RFX3: variants seen among roughly 807,000 people sequenced by gnomAD.
RFX3 encodes transcription factor RFX3.
A neutral mutation model predicts 98.6 loss-of-function variants in RFX3; 14 were observed. That is an observed-to-expected ratio of 0.14 (90% CI 0.09 to 0.22). The LOEUF is 0.22. RFX3 is among the 10% of genes least tolerant of loss of function. RFX3 has a pLI of 1.00. For missense variants in RFX3, 639 were observed against 926.9 expected, an observed-to-expected ratio of 0.69 and a Z score of 4.03; for synonymous variants, 383 against 328.4, an observed-to-expected ratio of 1.17 and a Z score of -1.80.
intron 2 of RFX3, among the ~76,000 whole-genome samples, chr9:3,366,079 G>C (rs911684468): frequency 2.0e-5 from 3 of 151,934 alleles, no homozygotes; most frequent in African/African-American, 7.2e-5. Flanking sequence ...CTGTGATGTA[G>C]GCTCGCAGCA....
intron 4 of RFX3, among the ~76,000 whole-genome samples, chr9:3,316,154 G>A (rs754955401): frequency 3.9e-5 from 6 of 152,160 alleles, no homozygotes; most frequent in Non-Finnish European, 8.8e-5. Context: ...GAATCCAGCA[G>A]TACATCTAAA....
intron 4 of RFX3, among the ~76,000 whole-genome samples, chr9:3,327,297 T>C (rs1374789447): frequency 1.3e-5 from 2 of 152,188 alleles, no homozygotes; most frequent in African/African-American, 4.8e-5. Context: ...AAATCTTAAA[T>C]AGGTTTCACG....
intron 12 of RFX3, 64 bp downstream of exon 12, chr9:3,266,144 G>A: frequency 3.2e-6 from 3 of 936,950 alleles, no homozygotes; most frequent in Non-Finnish European, 5.0e-6. Context: ...TAGGATAGAT[G>A]TAAAGTTCAC....
At chr9:3,464,657 G>T (rs376541553) in intron 1 of RFX3, among the ~76,000 whole-genome samples, 2 of 152,158 alleles carry the variant, frequency 1.3e-5, no homozygotes, top group African/African-American at 4.8e-5. Flanking sequence ...ACTTGTGGGG[G>T]TGATGGAAAT....
chr9:3,290,685 C>T (rs546048682), intron 6 of RFX3, among the ~76,000 whole-genome samples: 1 of 152,206 alleles, frequency 6.6e-6, no homozygotes, highest in South Asian at 2.1e-4. Flanking sequence ...TTTTGAAGTA[C>T]AGAAAGAAGG....
At chr9:3,361,908 C>A (rs1293702145) in intron 2 of RFX3, among the ~76,000 whole-genome samples, 1 of 152,082 alleles carries the variant, frequency 6.6e-6, no homozygotes, top group Non-Finnish European at 1.5e-5. Context: ...GATTGTGCCA[C>A]TGCACTCCAG....
intron 15 of RFX3, among the ~76,000 whole-genome samples, chr9:3,238,386 G>A (rs1819464100): frequency 6.6e-6 from 1 of 152,146 alleles, no homozygotes; most frequent in Non-Finnish European, 1.5e-5. Flanking sequence ...ACCATGAGAA[G>A]GGCTGGCCTG....
chr9:3,427,676 C>T lies in RFX3; in HGVS notation c.-8-32080G>A, dbSNP rs149073075. Among the ~76,000 whole-genome samples, 753 of 151,810 alleles carry T rather than the reference C, an allele frequency of 5.0e-3. 9 individuals carry two copies. Among genetic ancestry groups the T allele is most frequent in the African/African-American group, 0.017 (722 of 41,306 alleles). On this transcript the variant is annotated intron_variant, in intron 1 of 16. Transcript: ENST00000617270. Reference sequence around the variant, plus strand: ...ATCCCAAGGTGTTTCTCAAGCTCCTCTCTTTTGGCAGAATTAAACTTGGGA... The same window carrying T: ...ATCCCAAGGTGTTTCTCAAGCTCCTTTCTTTTGGCAGAATTAAACTTGGGA...
At chr9:3,356,198 A>AAGGAAGGAAGGG in intron 2 of RFX3, among the ~76,000 whole-genome samples, 1 of 148,824 alleles carries the variant, frequency 6.7e-6, no homozygotes, top group Non-Finnish European at 1.5e-5. Context: ...GGAAGGAAGG[A>AAGGAAGGAAGGG]AAGAAGGAAA....
intron 3 of RFX3, among the ~76,000 whole-genome samples, chr9:3,335,745 T>G (rs80090280): frequency 4.4e-4 from 67 of 152,328 alleles, no homozygotes; most frequent in African/African-American, 1.6e-3. Context: ...CACATCGATA[T>G]GTGTATACTT....
At chr9:3,487,762 G>T (rs1163757559) in intron 1 of RFX3, among the ~76,000 whole-genome samples, 1 of 152,004 alleles carries the variant, frequency 6.6e-6, no homozygotes, top group Admixed American at 6.6e-5. Context: ...TCCCTCCAAA[G>T]GTGTCCCCTG....
At chr9:3,341,010 T>C (rs1416239393) in intron 3 of RFX3, among the ~76,000 whole-genome samples, 3 of 152,108 alleles carry the variant, frequency 2.0e-5, no homozygotes, top group Non-Finnish European at 4.4e-5. Context: ...AACCCAATTG[T>C]CCAACAACAA....
intron 3 of RFX3, among the ~76,000 whole-genome samples, chr9:3,346,016 C>T (rs1563962293): frequency 6.6e-6 from 1 of 152,114 alleles, no homozygotes; most frequent in Non-Finnish European, 1.5e-5. Context: ...AAACAAAAAA[C>T]CCAATTTGGA....
At chr9:3,366,698 CTTTCTTTCTTTCT>C (rs990281905) in intron 2 of RFX3, among the ~76,000 whole-genome samples, 5 of 61,746 alleles carry the variant, frequency 8.1e-5, no homozygotes, top group Non-Finnish European at 1.7e-4. Context: ...TCTTTCCTTT[CTTTCTTTCTTTCT>C]TTCTTTCTTT....
intron 7 of RFX3, among the ~76,000 whole-genome samples, chr9:3,283,717 A>C (rs1348550115): frequency 4.0e-5 from 6 of 151,830 alleles, no homozygotes; most frequent in African/African-American, 1.4e-4. Context: ...CTGTGAAAGA[A>C]AGGTTTATTC....
At chr9:3,302,697 A>C (rs1828808074) in intron 4 of RFX3, among the ~76,000 whole-genome samples, 3 of 151,858 alleles carry the variant, frequency 2.0e-5, no homozygotes, top group Non-Finnish European at 4.4e-5. Flanking sequence ...AATGCCTTCA[A>C]ATTTTAACAT....
intron 4 of RFX3, among the ~76,000 whole-genome samples, chr9:3,326,746 C>T (rs1831968563): frequency 6.6e-6 from 1 of 152,110 alleles, no homozygotes; most frequent in South Asian, 2.1e-4. Flanking sequence ...TGGCAATTAT[C>T]ACATCAAGGC....
chr9:3,292,446 A>C (rs1447359237), intron 6 of RFX3, among the ~76,000 whole-genome samples: 2 of 152,198 alleles, frequency 1.3e-5, no homozygotes, highest in East Asian at 3.8e-4. Flanking sequence ...TTCCTTCCAC[A>C]TACACATGGT....
rs535679476 is a variant in RFX3 at position 3,400,713 on chromosome 9, T to C, written c.-8-5117A>G. On this transcript the variant is annotated intron_variant, in intron 1 of 16. Transcript: ENST00000617270. ...TCCCTTCCACAGATTAACTGAAAAG[T>C]TCATAATTTGGCCTCTCATGTAATA... Among the ~76,000 whole-genome samples the C allele has an allele frequency of 1.8e-3, 275 of 152,336 alleles. 1 individual carries two copies. The highest frequency in any genetic ancestry group is 3.5e-3 in the Non-Finnish European group (236 of 68,028).
Sources: gnomAD v4.1 joint callset for allele counts (sites outside exome capture counted in the v4.1 genomes callset) on GRCh38, gnomAD v4.1.1 for gene constraint, MANE v1.5 for transcripts, NCBI Gene and HGNC (gene_info 2026-07-23, HGNC 2026-07-21) for gene names.